CA10: variants seen among roughly 807,000 people sequenced by gnomAD.
The protein encoded by CA10 is carbonic anhydrase 10 (inactive).
In CA10, 14 loss-of-function variants were observed where a neutral mutation model predicts 44.2. The ratio of observed to expected loss-of-function variants is 0.32; its 90% CI spans 0.21 to 0.50. CA10 has a LOEUF of 0.50. CA10 is among the 20% of genes least tolerant of loss of function. The pLI is 0.99. For missense variants in CA10, 350 were observed against 409.7 expected, an observed-to-expected ratio of 0.85 and a Z score of 1.26; for synonymous variants, 159 against 141.6, an observed-to-expected ratio of 1.12 and a Z score of -0.87.
intron 2 of CA10, among the ~76,000 whole-genome samples, chr17:52,005,776 C>A (rs982333375): frequency 6.6e-6 from 1 of 151,854 alleles, no homozygotes; most frequent in African/African-American, 2.4e-5. Context: ...GATCTCTTGG[C>A]TCTATTGACT....
At chr17:51,747,212 T>C (rs978246044) in intron 4 of CA10, among the ~76,000 whole-genome samples, 1 of 152,246 alleles carries the variant, frequency 6.6e-6, no homozygotes, top group Non-Finnish European at 1.5e-5. Context: ...GTTATAGTTT[T>C]ATGCAAATAT....
intron 2 of CA10, among the ~76,000 whole-genome samples, chr17:51,993,017 A>G (rs993715229): frequency 6.6e-6 from 1 of 152,164 alleles, no homozygotes; most frequent in Non-Finnish European, 1.5e-5. Context: ...GGTTTCCCCC[A>G]TACACTAATT....
At chr17:51,631,739 T>C (rs1597950053) in intron 8 of CA10, 133 bp from the exon 9 acceptor site, 5 of 752,498 alleles carry the variant, frequency 6.6e-6, no homozygotes, top group Middle Eastern at 3.7e-4. Flanking sequence ...TGCTTACTTA[T>C]ATGCATTCCA....
At chr17:51,647,640 GTGTGA>G (rs934180199) in intron 6 of CA10, among the ~76,000 whole-genome samples, 81 of 152,284 alleles carry the variant, frequency 5.3e-4, no homozygotes, top group African/African-American at 1.8e-3. Flanking sequence ...GGGGCTTAAT[GTGTGA>G]TTTCATGCAT....
At chr17:51,634,675 G>C (rs908679114) in intron 7 of CA10, among the ~76,000 whole-genome samples, 2 of 152,100 alleles carry the variant, frequency 1.3e-5, no homozygotes, top group African/African-American at 4.8e-5. Context: ...CTAACTCTGT[G>C]AGATGATCCA....
chr17:52,030,939 A>C (rs1026156416), intron 2 of CA10, among the ~76,000 whole-genome samples: 4 of 152,030 alleles, frequency 2.6e-5, no homozygotes, highest in Non-Finnish European at 5.9e-5. Flanking sequence ...GAGCCACACT[A>C]CTGGCATCCC....
chr17:52,072,500 C>A, intron 1 of CA10, 107 bp from the exon 2 acceptor site: 5 of 739,098 alleles, frequency 6.8e-6, no homozygotes, highest in East Asian at 5.2e-5. Context: ...CTTTTCTACC[C>A]CAAAGTCATA....
intron 2 of CA10, among the ~76,000 whole-genome samples, chr17:52,005,881 A>G (rs1985579916): frequency 6.6e-6 from 1 of 151,878 alleles, no homozygotes; most frequent in Admixed American, 6.6e-5. Context: ...GAAGGAGAAG[A>G]GTGACACTTG....
intron 1 of CA10, among the ~76,000 whole-genome samples, chr17:52,075,896 C>T (rs1987805644): frequency 2.6e-5 from 4 of 152,180 alleles, no homozygotes; most frequent in Admixed American, 2.6e-4. Flanking sequence ...ATATGGAATA[C>T]ATTTGCCACC....
intron 3 of CA10, among the ~76,000 whole-genome samples, chr17:51,869,039 A>G (rs1206573795): frequency 6.6e-6 from 1 of 152,082 alleles, no homozygotes; most frequent in African/African-American, 2.4e-5. Context: ...ACACCTCTAA[A>G]GCCGTTCAAA....
At chr17:52,098,903 G>A (rs909430507) in intron 1 of CA10, among the ~76,000 whole-genome samples, 5 of 152,164 alleles carry the variant, frequency 3.3e-5, no homozygotes, top group African/African-American at 4.8e-5. Flanking sequence ...GTGAGCATTC[G>A]TACCTGGTGG....
intron 3 of CA10, among the ~76,000 whole-genome samples, chr17:51,908,731 G>A (rs945860633): frequency 1.3e-5 from 2 of 152,152 alleles, no homozygotes; most frequent in African/African-American, 4.8e-5. Flanking sequence ...AGCCAGTTCA[G>A]ATAAGGAATG....
At chr17:51,839,897 G>C (rs530799724) in intron 3 of CA10, among the ~76,000 whole-genome samples, 32 of 152,214 alleles carry the variant, frequency 2.1e-4, no homozygotes, top group South Asian at 1.5e-3. Context: ...AGTGTTACTC[G>C]GTGTCAGACA....
intron 3 of CA10, among the ~76,000 whole-genome samples, chr17:51,758,845 A>T (rs574370566): frequency 1.3e-5 from 2 of 152,212 alleles, no homozygotes; most frequent in Non-Finnish European, 2.9e-5. Context: ...CGAGGTCAGC[A>T]TGAGCTTCCC....
At chr17:51,717,764 T>TATAC (rs1916191037) in intron 4 of CA10, among the ~76,000 whole-genome samples, 1 of 83,194 alleles carries the variant, frequency 1.2e-5, no homozygotes, top group African/African-American at 4.3e-5. Context: ...TATACGTATA[T>TATAC]ATGTATACAT....
chr17:51,687,941 G>T (rs375895528), intron 4 of CA10, among the ~76,000 whole-genome samples: 1 of 152,100 alleles, frequency 6.6e-6, no homozygotes, highest in African/African-American at 2.4e-5. Flanking sequence ...CTCATGTTGC[G>T]TAGAGTTGAA....
chr17:51,945,650 A>C (rs552237436), intron 2 of CA10, among the ~76,000 whole-genome samples: 1 of 152,246 alleles, frequency 6.6e-6, no homozygotes, highest in South Asian at 2.1e-4. Context: ...AAAGTATCAG[A>C]ATAAAACCAC....
intron 4 of CA10, among the ~76,000 whole-genome samples, chr17:51,733,409 A>G (rs78575195): frequency 0.016 from 2,461 of 152,294 alleles, 36 homozygotes; most frequent in Non-Finnish European, 0.027. Flanking sequence ...CACTCAGAAG[A>G]CAGGGAACAG....
intron 4 of CA10, among the ~76,000 whole-genome samples, chr17:51,746,808 A>G (rs1235023384): frequency 6.6e-6 from 1 of 152,238 alleles, no homozygotes; most frequent in African/African-American, 2.4e-5. Flanking sequence ...AAATAAGGCC[A>G]GATTTATACA....
Sources: gnomAD v4.1 joint callset for allele counts (sites outside exome capture counted in the v4.1 genomes callset) on GRCh38, gnomAD v4.1.1 for gene constraint, MANE v1.5 for transcripts, NCBI Gene and HGNC (gene_info 2026-07-23, HGNC 2026-07-21) for gene names.